WNT7A: variants seen among roughly 807,000 people sequenced by gnomAD.
WNT7A encodes the protein Wnt family member 7A.
WNT7A carries 16 observed loss-of-function variants against 28.2 expected under a neutral mutation model. The observed-to-expected ratio is 0.57, with a 90% CI of 0.38 to 0.86. The LOEUF (loss-of-function observed/expected upper bound fraction) is 0.86. Among genes scored for constraint, WNT7A ranks in the 40% least tolerant of loss-of-function variants. The pLI is 0.00. For missense variants in WNT7A, 411 were observed against 489.7 expected, an observed-to-expected ratio of 0.84 and a Z score of 1.52; for synonymous variants, 190 against 195.9, an observed-to-expected ratio of 0.97 and a Z score of 0.25.
intron 3 of WNT7A, among the ~76,000 whole-genome samples, chr3:13,835,982 G>GCAATGTCCAGAAC (rs1327773130): frequency 6.6e-6 from 1 of 152,178 alleles, no homozygotes; most frequent in Non-Finnish European, 1.5e-5. Flanking sequence ...GAAATCCATA[G>GCAATGTCCAGAAC]AGACAGAGAG....
intron 2 of WNT7A, among the ~76,000 whole-genome samples, chr3:13,871,772 A>G (rs1194555836): frequency 1.3e-5 from 2 of 152,068 alleles, no homozygotes; most frequent in Admixed American, 6.5e-5. Flanking sequence ...CCTGCAGTTC[A>G]TGCTTTTGCC....
Position 13,819,356 on chromosome 3 carries a change from G to A in WNT7A, c.638C>T (p.Thr213Met), listed in dbSNP as rs1489058255. 1.2e-6 allele frequency: 2 copies of A among 1,613,386 alleles called. No individual in the cohort carries two copies. The highest frequency in any genetic ancestry group is 1.3e-5 in the African/African-American group (1 of 74,930). ...AAACTGTGGCAGTGTGGTCCAGCAC[G>A]TCTTGGTGGTGCACGAGCCTGACAC... ...HGVSGSCTTKTCWTTLPQFRE... is the reference protein window; with the variant it reads ...HGVSGSCTTKMCWTTLPQFRE... The change falls in exon 4 of 4, where the codon ACG becomes ATG. Residue 213 changes from threonine to methionine, a missense_variant. Coordinates refer to ENST00000285018, the MANE Select transcript of WNT7A (RefSeq NM_004625.4).
intron 1 of WNT7A, 54 bp downstream of exon 1, chr3:13,879,691 CG>C: frequency 6.3e-7 from 1 of 1,582,158 alleles, no homozygotes; most frequent in Non-Finnish European, 8.6e-7. Flanking sequence ...CCTCCCTCCC[CG>C]GGCCGTGCCA....
In WNT7A at chr3:13,817,198, T is replaced by C. The variant is rs1694017068; in HGVS notation, c.*1746A>G. The C allele has an allele frequency of 6.6e-6, 1 of 152,228 alleles. No homozygotes were observed. The highest frequency in any genetic ancestry group is 6.5e-5 in the Admixed American group (1 of 15,274). The allele number at this position is 152,228 out of a possible 1,614,324, so 9.4% of individuals were successfully genotyped here. A position where few individuals can be genotyped will look rare whatever the true frequency, so the allele number is the denominator to read the frequency against. On this transcript the variant is annotated 3_prime_UTR_variant, in exon 4 of 4. Transcript: ENST00000285018. ...CAACACAATCACACACAATCTCTGC[T>C]GTCTGCCTCATACCACCAGCCCTCA... is the stretch of plus-strand genomic sequence containing the variant.
At position 13,879,833 on chromosome 3, in the gene WNT7A, C is replaced by A; in HGVS notation, c.-17G>T. 1 of 1,606,156 alleles carries A rather than the reference C, an allele frequency of 6.2e-7. No homozygotes were observed. Among genetic ancestry groups the A allele is most frequent in the East Asian group, 2.2e-5 (1 of 44,480 alleles). The stretch of plus-strand genomic sequence containing the variant: ...CCGGTTCATAGTCCCGATTGGCCGC[C>A]GGGGCCGCGGGCCGGGCTGTGCTGA... On this transcript the variant is annotated 5_prime_UTR_variant, in exon 1 of 4. Transcript: ENST00000285018.
At chr3:13,860,842 G>C (rs1216249955) in intron 2 of WNT7A, among the ~76,000 whole-genome samples, 1 of 152,178 alleles carries the variant, frequency 6.6e-6, no homozygotes, top group East Asian at 1.9e-4. Context: ...TGCAAGGGTG[G>C]TCTGTTCTAT....
chr3:13,865,142 G>C (rs1192069370), intron 2 of WNT7A, among the ~76,000 whole-genome samples: 2 of 152,184 alleles, frequency 1.3e-5, no homozygotes, highest in African/African-American at 4.8e-5. Context: ...CAGTCAGTGA[G>C]TCCAAGGATG....
At chr3:13,835,158 G>A (rs1433709190) in intron 3 of WNT7A, among the ~76,000 whole-genome samples, 1 of 152,228 alleles carries the variant, frequency 6.6e-6, no homozygotes, top group Non-Finnish European at 1.5e-5. Flanking sequence ...AAGGAGGGCA[G>A]TGGGCCAGGC....
chr3:13,870,002 T>C (rs1419978374), intron 2 of WNT7A, among the ~76,000 whole-genome samples: 3 of 152,104 alleles, frequency 2.0e-5, no homozygotes. Context: ...TCCCACTCAC[T>C]GATAAATTTC....
chr3:13,828,558 C>G (rs1189250290), intron 3 of WNT7A, among the ~76,000 whole-genome samples: 1 of 152,190 alleles, frequency 6.6e-6, no homozygotes, highest in Non-Finnish European at 1.5e-5. Context: ...AAACAGATAG[C>G]CAGCCCCAAG....
At chr3:13,879,127 C>G (rs1486266931) in intron 1 of WNT7A, among the ~76,000 whole-genome samples, 1 of 152,210 alleles carries the variant, frequency 6.6e-6, no homozygotes, top group Non-Finnish European at 1.5e-5. Flanking sequence ...ACGTGCTGTC[C>G]CCTTGGCCCG....
At chr3:13,832,110 T>C (rs1694289495) in intron 3 of WNT7A, among the ~76,000 whole-genome samples, 1 of 149,954 alleles carries the variant, frequency 6.7e-6, no homozygotes, top group African/African-American at 2.5e-5. Context: ...CCTGATGATA[T>C]TCCTCCTCCT....
intron 2 of WNT7A, among the ~76,000 whole-genome samples, chr3:13,868,944 G>C (rs1694978613): frequency 7.4e-6 from 1 of 135,378 alleles, no homozygotes; most frequent in East Asian, 2.5e-4. Context: ...GGAAGGAAAA[G>C]AGAGAGAATG....
chr3:13,871,942 T>C (rs566652362), intron 2 of WNT7A, among the ~76,000 whole-genome samples: 8 of 152,252 alleles, frequency 5.3e-5, no homozygotes, highest in African/African-American at 1.7e-4. Flanking sequence ...CCCTTCAGCC[T>C]TCCTCACTCT....
intron 2 of WNT7A, among the ~76,000 whole-genome samples, chr3:13,869,732 A>C (rs1318146323): frequency 6.6e-6 from 1 of 152,040 alleles, no homozygotes; most frequent in Non-Finnish European, 1.5e-5. Context: ...AAAGGAAGGA[A>C]GGAAGGAAAG....
chr3:13,821,808 C>T (rs548507191), intron 3 of WNT7A, among the ~76,000 whole-genome samples: 1 of 152,208 alleles, frequency 6.6e-6, no homozygotes, highest in Non-Finnish European at 1.5e-5. Context: ...CAGGGGCACC[C>T]AGCTGTCTTC....
chr3:13,839,689 C>T (rs1205528283), intron 3 of WNT7A, among the ~76,000 whole-genome samples: 1 of 152,200 alleles, frequency 6.6e-6, no homozygotes, highest in Admixed American at 6.5e-5. Context: ...ACCCCTTCCC[C>T]ACTCTACCAC....
intron 2 of WNT7A, among the ~76,000 whole-genome samples, chr3:13,857,977 T>A (rs1694773286): frequency 6.6e-6 from 1 of 152,148 alleles, no homozygotes; most frequent in Admixed American, 6.5e-5. Context: ...ACAATTCTTA[T>A]CTATGATGGA....
At chr3:13,855,771 C>G (rs1203132888) in intron 2 of WNT7A, among the ~76,000 whole-genome samples, 4 of 152,286 alleles carry the variant, frequency 2.6e-5, no homozygotes, top group African/African-American at 9.6e-5. Flanking sequence ...CTGAGGAGCA[C>G]TGGGCAAGTT....
Sources: gnomAD v4.1 joint callset for allele counts (sites outside exome capture counted in the v4.1 genomes callset) on GRCh38, gnomAD v4.1.1 for gene constraint, MANE v1.5 for transcripts, NCBI Gene and HGNC (gene_info 2026-07-23, HGNC 2026-07-21) for gene names.